Variants in ABCA13 observed in about 807,000 individuals in gnomAD.
ABCA13 encodes the protein ATP binding cassette subfamily A member 13, also known as ATP-binding cassette sub-family A member 13.
ABCA13 carries 476 observed loss-of-function variants against 478.7 expected under a neutral mutation model. The observed-to-expected ratio is 0.99, with a 90% CI of 0.92 to 1.07. ABCA13 has a LOEUF of 1.07. ABCA13 is among the 50% of genes least tolerant of loss of function. The probability of loss-of-function intolerance (pLI) is 0.00; values close to 1 mark genes in which losing one functional copy is unlikely to be tolerated. For missense variants in ABCA13, 6,060 were observed against 5,910.6 expected (o/e 1.03, Z -0.83); for synonymous variants, 2,252 against 2,158.9 (o/e 1.04, Z -1.20).
intron 1 of ABCA13, among the ~76,000 whole-genome samples, chr7:48,179,738 C>CA (rs1361694901): frequency 1.3e-4 from 20 of 152,168 alleles, no homozygotes; most frequent in African/African-American, 4.6e-4. Context: ...CGAAAGATCC[C>CA]AAATGGAAGC....
At chr7:48,571,204 A>G (rs1787611674) in intron 55 of ABCA13, among the ~76,000 whole-genome samples, 1 of 152,224 alleles carries the variant, frequency 6.6e-6, no homozygotes, top group Non-Finnish European at 1.5e-5. Flanking sequence ...TAAAACAGAA[A>G]AAGGAATTAC....
rs200969547 is a variant in ABCA13, at chr7:48,298,453, A to T, written c.9287A>T (p.His3096Leu). The change falls in exon 23 of 62, where the codon CAT becomes CTT. Residue 3096 changes from histidine (H) to leucine (L), a missense_variant. His to Leu is a moderately conservative substitution (Grantham distance 99). This residue lies in a region of ABCA13 where 4,423 missense variants were observed against 4,309.1 expected (regional missense o/e 1.03). Transcript: ENST00000435803. ...ATCCAAATCTCGAATGAGACTATCC[A>T]TAGCATTCTAGAAGCAAATATTTCC... ...SSIQISNETI[H>L]SILEANISHS... 6.2e-7 allele frequency: 1 copy of T among 1,613,622 alleles called. No individual in the cohort carries two copies. The highest frequency in any genetic ancestry group is 8.5e-7 in the Non-Finnish European group (1 of 1,179,724).
rs192406023 is a variant in ABCA13 at position 48,269,805 on chromosome 7, T to C, written c.2120+711T>C. On this transcript the variant is annotated intron_variant, in intron 16 of 61. Coordinates refer to ENST00000435803, the MANE Select transcript of ABCA13 (RefSeq NM_152701.5). ...TCACACATTCTATAGGTGGTTCCAG[T>C]GCACACCAAAGTTGGAGAACCATTC... Among the ~76,000 whole-genome samples the C allele has an allele frequency of 1.7e-3, 258 of 152,330 alleles. 2 individuals are homozygous for C. Among genetic ancestry groups the C allele is most frequent in the African/African-American group, 5.5e-3 (228 of 41,574 alleles).
intron 7 of ABCA13, among the ~76,000 whole-genome samples, chr7:48,232,856 G>T (rs974354245): frequency 6.6e-6 from 1 of 152,172 alleles, no homozygotes; most frequent in African/African-American, 2.4e-5. Flanking sequence ...CAGATCATTT[G>T]GGTTTGAATC....
At position 48,546,443 on chromosome 7, in the gene ABCA13, A is replaced by G. The variant is rs539268712; in HGVS notation, c.14354+18098A>G. ...ATTAATAGGTCAATAGTTGTTATAT[A>G]TAGACACAGAATTATAGGTTAAGTT... On this transcript the variant is annotated intron_variant, in intron 55 of 61. Coordinates refer to ENST00000435803, the MANE Select transcript of ABCA13 (RefSeq NM_152701.5). Among the ~76,000 whole-genome samples the G allele has an allele frequency of 1.3e-4, 19 of 150,394 alleles. 1 individual carries two copies. Among genetic ancestry groups the G allele is most frequent in the Non-Finnish European group, 2.7e-4 (18 of 67,558 alleles).
intron 15 of ABCA13, among the ~76,000 whole-genome samples, chr7:48,261,536 A>G (rs1460222871): frequency 6.6e-6 from 1 of 151,738 alleles, no homozygotes; most frequent in Non-Finnish European, 1.5e-5. Flanking sequence ...CTAACTTTAT[A>G]ATCTTTTAGG....
chr7:48,482,596 G>A (rs1273168315), intron 46 of ABCA13, among the ~76,000 whole-genome samples: 3 of 151,398 alleles, frequency 2.0e-5, no homozygotes, highest in Non-Finnish European at 4.4e-5. Flanking sequence ...GTTTCACCAT[G>A]TTGGCCAGGC....
intron 1 of ABCA13, among the ~76,000 whole-genome samples, chr7:48,188,575 C>T (rs926763088): frequency 1.3e-5 from 2 of 151,270 alleles, no homozygotes; most frequent in East Asian, 1.9e-4. Flanking sequence ...TTTTTTTTTA[C>T]GTTTTGGTAG....
chr7:48,217,446 T>A (rs930469679), intron 3 of ABCA13, among the ~76,000 whole-genome samples: 17 of 152,318 alleles, frequency 1.1e-4, no homozygotes, highest in African/African-American at 4.1e-4. Context: ...TCAGTGTTAG[T>A]CTCACCACTG....
intron 1 of ABCA13, 107 bp downstream of exon 1, chr7:48,171,659 T>C (rs1794087454): frequency 8.0e-7 from 1 of 1,242,526 alleles, no homozygotes; most frequent in African/African-American, 1.5e-5. Flanking sequence ...AAAACACTCA[T>C]GCTGCAGGGA....
Position 48,471,535 on chromosome 7 carries a change from A to G in ABCA13, c.12911A>G (p.Asn4304Ser), listed in dbSNP as rs1400362758. Reference protein sequence around the residue: ...PCADLNPRQKNSSCWRTDPFS... With the variant: ...PCADLNPRQKSSSCWRTDPFS... ...TTCTCTCCTTTGTTTTTTAGGAAGAATTCTTCATGCTGGCGCACAGATCCC... is the reference window on the plus strand; with the variant it reads ...TTCTCTCCTTTGTTTTTTAGGAAGAGTTCTTCATGCTGGCGCACAGATCCC... The change falls in exon 45 of 62, where the codon AAT (asparagine) becomes AGT (serine). Residue 4304 changes from asparagine (N) to serine (S), a missense_variant. Asn to Ser is a conservative substitution (Grantham distance 46, BLOSUM62 1). This residue lies in a region of ABCA13 where 1,627 missense variants were observed against 1,571.0 expected (regional missense o/e 1.04). Transcript: ENST00000435803. 7 of 1,557,060 alleles carry G rather than the reference A, an allele frequency of 4.5e-6. No homozygotes were observed. The Admixed American group carries it at 5.8e-5, about 13-fold the overall frequency.
chr7:48,266,545 A>G (rs1268807227), intron 15 of ABCA13, among the ~76,000 whole-genome samples: 1 of 151,788 alleles, frequency 6.6e-6, no homozygotes, highest in Non-Finnish European at 1.5e-5. Flanking sequence ...AATCAGTGGT[A>G]ATAGCACCTT....
At chr7:48,385,595 A>AT (rs1234874992) in intron 35 of ABCA13, among the ~76,000 whole-genome samples, 1 of 152,156 alleles carries the variant, frequency 6.6e-6, no homozygotes, top group Non-Finnish European at 1.5e-5. Context: ...TGTCTTTGCT[A>AT]TTATGAATAG....
At chr7:48,412,957 G>A (rs921056753) in intron 41 of ABCA13, among the ~76,000 whole-genome samples, 6 of 151,446 alleles carry the variant, frequency 4.0e-5, no homozygotes, top group African/African-American at 1.5e-4. Context: ...GAATACAGGC[G>A]CCCGCCACCA....
chr7:48,378,418 G>C (rs1414584443), intron 35 of ABCA13, among the ~76,000 whole-genome samples: 1 of 152,194 alleles, frequency 6.6e-6, no homozygotes, highest in Non-Finnish European at 1.5e-5. Context: ...GGGACCAGGA[G>C]ATTCAAATGC....
At chr7:48,342,387 C>T (rs997785509) in intron 29 of ABCA13, among the ~76,000 whole-genome samples, 1 of 152,152 alleles carries the variant, frequency 6.6e-6, no homozygotes, top group Non-Finnish European at 1.5e-5. Flanking sequence ...CCTTGAGGTT[C>T]TGTCCACTTA....
At chr7:48,186,719 T>C (rs1796399755) in intron 1 of ABCA13, among the ~76,000 whole-genome samples, 1 of 151,996 alleles carries the variant, frequency 6.6e-6, no homozygotes, top group African/African-American at 2.4e-5. Flanking sequence ...TCTAATTTAT[T>C]TTTTGGTCAC....
At chr7:48,231,255 A>G (rs2128992490) in intron 7 of ABCA13, among the ~76,000 whole-genome samples, 1 of 152,294 alleles carries the variant, frequency 6.6e-6, no homozygotes, top group African/African-American at 2.4e-5. Context: ...AAACAAACAA[A>G]CAAACAAACA....
intron 2 of ABCA13, among the ~76,000 whole-genome samples, chr7:48,194,152 T>A (rs568509943): frequency 0.65 from 13 of 20 alleles, 6 homozygotes; most frequent in African/African-American, 0.67. Context: ...ATGATGATGA[T>A]AATGATGATG....
Sources: gnomAD v4.1 joint callset for allele counts (sites outside exome capture counted in the v4.1 genomes callset) on GRCh38, gnomAD v4.1.1 for gene constraint, gnomAD v4.1.1 regional missense constraint, MANE v1.5 for transcripts, NCBI Gene and HGNC (gene_info 2026-07-23, HGNC 2026-07-21) for gene names.